The following REL variants were observed in gnomAD, a reference collection of about 807,000 sequenced individuals.
REL encodes the protein REL proto-oncogene, NF-kB subunit.
In REL, 15 loss-of-function variants were observed where a neutral mutation model predicts 45.9. That is an observed-to-expected ratio of 0.33 (90% CI 0.22 to 0.50). REL has a LOEUF of 0.50. REL is among the 20% of genes least tolerant of loss of function. REL has a pLI of 0.98. For missense variants in REL, 601 were observed against 715.2 expected (o/e 0.84, Z 1.82); for synonymous variants, 239 against 242.1 (o/e 0.99, Z 0.12).
In REL at chr2:60,886,357, C is replaced by G. The variant is rs918478547; in HGVS notation, c.10+4507C>G. On this transcript the variant is annotated intron_variant, in intron 1 of 9. Coordinates refer to ENST00000394479, the MANE Select transcript of REL (RefSeq NM_001291746.2). ...TGGCTATACCAGGATGCATTATCTT[C>G]TTAAATTAAGTTGCATTTATTTTAG... is the stretch of plus-strand genomic sequence containing the variant. Among the ~76,000 whole-genome samples the G allele has an allele frequency of 3.3e-5, 5 of 152,280 alleles. No homozygotes were observed. The South Asian group carries it at 1.0e-3, about 32-fold the overall frequency.
rs960058346 is a variant in REL at position 60,925,795 on chromosome 2, TTAAAC to T, written c.*3264_*3268del. 2 of 211,136 alleles carry T rather than the reference TTAAAC, an allele frequency of 9.5e-6. No homozygotes were observed. The highest frequency in any genetic ancestry group is 4.5e-5 in the African/African-American group (2 of 44,036). 13.1% of individuals were successfully genotyped at this position (211,136 alleles called of 1,614,324 possible). ...AGAATAGCTGCATGGGTTTTTTTCT[TTAAAC>T]TAATTAAGCGTTGGCTACTTAGTAT... On this transcript the variant is annotated 3_prime_UTR_variant, in exon 10 of 10. Coordinates refer to ENST00000394479, the MANE Select transcript of REL (RefSeq NM_001291746.2).
chr2:60,907,930 G>GT (rs1673707786), intron 4 of REL, among the ~76,000 whole-genome samples: 1 of 151,666 alleles, frequency 6.6e-6, no homozygotes, highest in Admixed American at 6.6e-5. Flanking sequence ...CTGATCTCGT[G>GT]TTCCGTCCAC....
chr2:60,896,192 A>G (rs1167924429), intron 3 of REL, among the ~76,000 whole-genome samples: 1 of 152,026 alleles, frequency 6.6e-6, no homozygotes, highest in African/African-American at 2.4e-5. Flanking sequence ...TTAAACCATT[A>G]GAGACAGGGT....
At position 60,931,205 on chromosome 2, in the gene REL, G is replaced by A. The variant is rs1333393189; in HGVS notation, c.*8670G>A. 2 of 152,342 alleles carry A rather than the reference G, an allele frequency of 1.3e-5. No homozygotes were observed. The highest frequency in any genetic ancestry group is 6.5e-5 in the Admixed American group (1 of 15,272). 9.4% of individuals were successfully genotyped at this position (152,342 alleles called of 1,614,324 possible). On this transcript the variant is annotated 3_prime_UTR_variant, in exon 10 of 10. Coordinates refer to ENST00000394479, the MANE Select transcript of REL (RefSeq NM_001291746.2). ...TGTCTCACAGTTCAAGTAGCTTTAAGATGATGTGGCAAGGAAAACACAAAG... is the reference window on the plus strand; with the variant it reads ...TGTCTCACAGTTCAAGTAGCTTTAAAATGATGTGGCAAGGAAAACACAAAG...
intron 9 of REL, 124 bp downstream of exon 9, chr2:60,920,766 A>T: frequency 1.6e-6 from 1 of 618,186 alleles, no homozygotes; most frequent in Non-Finnish European, 2.8e-6. Flanking sequence ...CAGATTTTTC[A>T]TGCTTTCAGT....
chr2:60,883,679 A>G (rs1204609330), intron 1 of REL, among the ~76,000 whole-genome samples: 2 of 152,160 alleles, frequency 1.3e-5, no homozygotes, highest in African/African-American at 4.8e-5. Flanking sequence ...ATTTCTATAT[A>G]GAGTATTGTA....
chr2:60,895,218 CTG>C (rs1673319933), intron 3 of REL, among the ~76,000 whole-genome samples: 1 of 151,816 alleles, frequency 6.6e-6, no homozygotes, highest in Admixed American at 6.6e-5. Context: ...AGGTCTCGCT[CTG>C]TTACCCAGGC....
intron 4 of REL, among the ~76,000 whole-genome samples, chr2:60,901,625 C>G (rs1297818081): frequency 6.6e-6 from 1 of 152,178 alleles, no homozygotes; most frequent in Non-Finnish European, 1.5e-5. Flanking sequence ...GAGAGTGTCA[C>G]TGTTTTATAT....
At chr2:60,890,327 A>C (rs978892307) in intron 1 of REL, among the ~76,000 whole-genome samples, 2 of 152,182 alleles carry the variant, frequency 1.3e-5, no homozygotes, top group African/African-American at 4.8e-5. Context: ...TGCTATTATG[A>C]TTATTCCTAT....
chr2:60,926,928 A>G lies in REL; in HGVS notation c.*4393A>G. 4.4e-6 allele frequency: 1 copy of G among 225,994 alleles called. No homozygotes were observed. Among genetic ancestry groups the G allele is most frequent in the East Asian group, 6.3e-5 (1 of 15,810 alleles). The allele number at this position is 225,994 out of a possible 1,614,324, so 14.0% of individuals were successfully genotyped here. On this transcript the variant is annotated 3_prime_UTR_variant, in exon 10 of 10. Coordinates refer to ENST00000394479, the MANE Select transcript of REL (RefSeq NM_001291746.2). The stretch of plus-strand genomic sequence containing the variant: ...TACCATGTTCTCCCTATTCCTTATT[A>G]CATAGCTAGCATTCCTTGAAAAAAA...
rs1418788927 is a variant in REL, at chr2:60,927,560, C to T, written c.*5025C>T. 1 of 229,750 alleles carries T rather than the reference C, an allele frequency of 4.4e-6. No individual in the cohort carries two copies. Among genetic ancestry groups the T allele is most frequent in the African/African-American group, 2.2e-5 (1 of 45,164 alleles). The allele number at this position is 229,750 out of a possible 1,614,324, so 14.2% of individuals were successfully genotyped here. A position where few individuals can be genotyped will look rare whatever the true frequency, so the allele number is the denominator to read the frequency against. ...TCTCAGGTCTCCCTCATACACTTCT[C>T]AGCCTCAGCACCTAACCCTCACACA... On this transcript the variant is annotated 3_prime_UTR_variant, in exon 10 of 10. Coordinates refer to ENST00000394479, the MANE Select transcript of REL (RefSeq NM_001291746.2).
chr2:60,902,288 A>AT (rs1246650852), intron 4 of REL, among the ~76,000 whole-genome samples: 1 of 152,174 alleles, frequency 6.6e-6, no homozygotes, highest in Non-Finnish European at 1.5e-5. Context: ...TTTAGGTTTT[A>AT]TTTTTCACAC....
At chr2:60,918,948 G>T (rs570458257) in intron 7 of REL, among the ~76,000 whole-genome samples, 7 of 151,960 alleles carry the variant, frequency 4.6e-5, no homozygotes, top group African/African-American at 1.7e-4. Flanking sequence ...GTGCCACCAC[G>T]CTGGGCTACT....
rs1318211672 is a variant in REL, at chr2:60,927,227, A to G, written c.*4692A>G. On this transcript the variant is annotated 3_prime_UTR_variant, in exon 10 of 10. Coordinates refer to ENST00000394479, the MANE Select transcript of REL (RefSeq NM_001291746.2). ...AGCTATTATTAGAAAAGGAAGGGTG[A>G]AATTGACATGGGAGTTAGTAAAATG... 1 of 228,352 alleles carries G rather than the reference A, an allele frequency of 4.4e-6. No homozygotes were observed. Among genetic ancestry groups the G allele is most frequent in the Non-Finnish European group, 8.7e-6 (1 of 115,000 alleles). The allele number at this position is 228,352 out of a possible 1,614,324, so 14.1% of individuals were successfully genotyped here. A position where few individuals can be genotyped will look rare whatever the true frequency, so the allele number is the denominator to read the frequency against.
intron 4 of REL, among the ~76,000 whole-genome samples, chr2:60,909,827 C>G (rs1350030398): frequency 6.6e-6 from 1 of 151,894 alleles, no homozygotes; most frequent in Non-Finnish European, 1.5e-5. Context: ...TCAGTTGAAC[C>G]AGGAGGCGGG....
intron 1 of REL, among the ~76,000 whole-genome samples, chr2:60,887,318 T>C (rs1413528211): frequency 1.3e-5 from 2 of 152,112 alleles, no homozygotes; most frequent in Non-Finnish European, 2.9e-5. Flanking sequence ...TATAAAGCAC[T>C]ATTTTTTTTT....
Position 60,926,852 on chromosome 2 carries a change from C to T in REL, c.*4317C>T, listed in dbSNP as rs1674280043. 8.8e-6 allele frequency: 2 copies of T among 226,768 alleles called. No homozygotes were observed. Among genetic ancestry groups the T allele is most frequent in the African/African-American group, 2.2e-5 (1 of 44,958 alleles). 14.0% of individuals were successfully genotyped at this position (226,768 alleles called of 1,614,324 possible). A position where few individuals can be genotyped will look rare whatever the true frequency, so the allele number is the denominator to read the frequency against. ...TTCCTGCTGCCTTCTTAGTAAAGGC[C>T]TTCATTCTTTTTTCCCTAGTAATAA... On this transcript the variant is annotated 3_prime_UTR_variant, in exon 10 of 10. Coordinates refer to ENST00000394479, the MANE Select transcript of REL (RefSeq NM_001291746.2).
intron 1 of REL, among the ~76,000 whole-genome samples, chr2:60,882,294 A>T (rs530026111): frequency 6.6e-6 from 1 of 152,334 alleles, no homozygotes; most frequent in African/African-American, 2.4e-5. Flanking sequence ...TGACAGTTGT[A>T]CAAAATGTGT....
intron 3 of REL, among the ~76,000 whole-genome samples, chr2:60,898,172 C>A (rs1306562323): frequency 1.3e-5 from 2 of 152,190 alleles, no homozygotes; most frequent in Non-Finnish European, 2.9e-5. Context: ...TTGCATTAAC[C>A]ATTTTGTACC....
Sources: gnomAD v4.1 joint callset for allele counts (sites outside exome capture counted in the v4.1 genomes callset) on GRCh38, gnomAD v4.1.1 for gene constraint, MANE v1.5 for transcripts, NCBI Gene and HGNC (gene_info 2026-07-23, HGNC 2026-07-21) for gene names.